Variants in TENM2 observed in about 807,000 individuals in gnomAD.
TENM2 encodes the protein teneurin-2.
A neutral mutation model predicts 245.2 loss-of-function variants in TENM2; 52 were observed. The ratio of observed to expected loss-of-function variants is 0.21; its 90% CI spans 0.17 to 0.27. The LOEUF is 0.27. TENM2 is among the 10% of genes least tolerant of loss of function. TENM2 has a pLI of 1.00. For missense variants in TENM2, 3,046 were observed against 3,666.8 expected, an observed-to-expected ratio of 0.83 and a Z score of 4.37; for synonymous variants, 1,363 against 1,438.9, an observed-to-expected ratio of 0.95 and a Z score of 1.19.
chr5:167,892,275 C>T (rs1386443308), intron 3 of TENM2, among the ~76,000 whole-genome samples: 1 of 152,184 alleles, frequency 6.6e-6, no homozygotes, highest in Non-Finnish European at 1.5e-5. Flanking sequence ...AAGTCAAATA[C>T]AGTTCCTTAT....
intron 2 of TENM2, among the ~76,000 whole-genome samples, chr5:167,775,154 G>C (rs923861291): frequency 1.3e-5 from 2 of 152,068 alleles, no homozygotes; most frequent in African/African-American, 4.8e-5. Flanking sequence ...TTTTAGTAGA[G>C]ACGGGGTTTC....
intron 9 of TENM2, among the ~76,000 whole-genome samples, chr5:168,113,709 G>A (rs1562174826): frequency 6.6e-6 from 1 of 152,098 alleles, no homozygotes; most frequent in South Asian, 2.1e-4. Flanking sequence ...TTTGTCATCA[G>A]CCTGTTAACT....
In TENM2 at chr5:168,074,990, A is replaced by G. The variant is rs1264267718; in HGVS notation, c.1515+12725A>G. On this transcript the variant is annotated intron_variant, in intron 7 of 28. Coordinates refer to ENST00000518659, the Ensembl canonical transcript of TENM2. ...TAACAGGTGGTGTTTGGTTCCGTGA[A>G]TAAGTTCTTTAGTGGTGATTTCTGA... is the stretch of plus-strand genomic sequence containing the variant. Among the ~76,000 whole-genome samples, 3 of 152,214 alleles carry G rather than the reference A, an allele frequency of 2.0e-5. No homozygotes were observed. In the East Asian group the frequency reaches 5.8e-4, roughly 29 times the overall value.
intron 3 of TENM2, among the ~76,000 whole-genome samples, chr5:167,919,336 T>C (rs1157357150): frequency 6.6e-6 from 1 of 152,144 alleles, no homozygotes; most frequent in Non-Finnish European, 1.5e-5. Context: ...TGCTGGCGAA[T>C]GTTAATTGCT....
chr5:168,210,306 C>T (rs944547245), intron 19 of TENM2, among the ~76,000 whole-genome samples: 17 of 152,190 alleles, frequency 1.1e-4, no homozygotes, highest in South Asian at 4.1e-4. Flanking sequence ...CTTCCCCCAA[C>T]ATAGATCTTA....
At chr5:166,980,816 T>C in the TENM2 span, among the ~76,000 whole-genome samples, 1 of 152,198 alleles carries the variant, frequency 6.6e-6, no homozygotes, top group Non-Finnish European at 1.5e-5. Context: ...TAAACTGAGA[T>C]GAGGACATCC....
At chr5:168,118,975 T>C (rs570166194) in intron 10 of TENM2, among the ~76,000 whole-genome samples, 2 of 152,306 alleles carry the variant, frequency 1.3e-5, no homozygotes, top group South Asian at 4.1e-4. Flanking sequence ...AAGCTGTTTG[T>C]TGTTATTGTT....
At chr5:167,456,315 G>A (rs933027197) in intron 2 of TENM2, among the ~76,000 whole-genome samples, 1 of 152,154 alleles carries the variant, frequency 6.6e-6, no homozygotes, top group East Asian at 1.9e-4. Context: ...TTATTCCATA[G>A]GTAGTTAATG....
At chr5:167,439,370 G>A (rs540690554) in intron 2 of TENM2, among the ~76,000 whole-genome samples, 7 of 152,238 alleles carry the variant, frequency 4.6e-5, no homozygotes, top group African/African-American at 7.2e-5. Context: ...TTCCTAATAC[G>A]TGATTTGATG....
chr5:167,481,525 A>G (rs554624331), intron 2 of TENM2, among the ~76,000 whole-genome samples: 6 of 152,318 alleles, frequency 3.9e-5, no homozygotes, highest in South Asian at 2.1e-4. Flanking sequence ...TGTAGCTGCA[A>G]CAGAGACCAT....
At chr5:167,039,334 C>G in the TENM2 span, among the ~76,000 whole-genome samples, 1 of 152,104 alleles carries the variant, frequency 6.6e-6, no homozygotes, top group East Asian at 1.9e-4. Flanking sequence ...CTCAGGATTT[C>G]TTGCAGTGAC....
intron 12 of TENM2, among the ~76,000 whole-genome samples, chr5:168,132,382 A>T (rs1256597048): frequency 6.6e-6 from 1 of 152,164 alleles, no homozygotes; most frequent in Non-Finnish European, 1.5e-5. Flanking sequence ...AGATGGAAGC[A>T]TTTTTTTGTA....
At chr5:167,281,047 T>G (rs1478997628), upstream of TENM2, among the ~76,000 whole-genome samples, 1 of 152,096 alleles carries the variant, frequency 6.6e-6, no homozygotes, top group Non-Finnish European at 1.5e-5. Context: ...GCCTGATTTT[T>G]AAAGATAAGA....
intron 2 of TENM2, among the ~76,000 whole-genome samples, chr5:167,796,060 G>A (rs1583030218): frequency 1.3e-5 from 2 of 152,234 alleles, no homozygotes; most frequent in South Asian, 2.1e-4. Flanking sequence ...GTAATGGAAA[G>A]GAAACAGTGA....
intron 13 of TENM2, among the ~76,000 whole-genome samples, chr5:168,183,816 A>G (rs1760145711): frequency 6.6e-6 from 1 of 151,684 alleles, no homozygotes; most frequent in Non-Finnish European, 1.5e-5. Context: ...AAAAAAACCC[A>G]TATGATGCCA....
chr5:167,636,940 G>A (rs1449870748), intron 2 of TENM2, among the ~76,000 whole-genome samples: 2 of 152,160 alleles, frequency 1.3e-5, no homozygotes, highest in African/African-American at 4.8e-5. Context: ...CAGTGTGGGA[G>A]CTAAGAAACG....
At chr5:167,494,173 CAT>C (rs1174376400) in intron 2 of TENM2, among the ~76,000 whole-genome samples, 2 of 152,098 alleles carry the variant, frequency 1.3e-5, no homozygotes, top group African/African-American at 4.8e-5. Flanking sequence ...AGAGCATTCT[CAT>C]GTGGAACTTC....
chr5:168,153,049 G>A (rs953978366), intron 12 of TENM2, among the ~76,000 whole-genome samples: 2 of 152,106 alleles, frequency 1.3e-5, no homozygotes, highest in African/African-American at 4.8e-5. Flanking sequence ...TGTTTTTAAT[G>A]TATTCATTCA....
At chr5:167,445,892 C>G (rs924445761) in intron 2 of TENM2, among the ~76,000 whole-genome samples, 5 of 152,136 alleles carry the variant, frequency 3.3e-5, no homozygotes, top group Non-Finnish European at 5.9e-5. Context: ...ACAGTCTGTT[C>G]AGTCTGGCCT....
Sources: gnomAD v4.1 joint callset for allele counts (sites outside exome capture counted in the v4.1 genomes callset) on GRCh38, gnomAD v4.1.1 for gene constraint, MANE v1.5 for transcripts, NCBI Gene and HGNC (gene_info 2026-07-23, HGNC 2026-07-21) for gene names.